CFAP47: variants seen among roughly 807,000 people sequenced by gnomAD.
CFAP47 encodes the protein cilia and flagella associated protein 47.
Under a neutral mutation model 148.1 loss-of-function variants are expected in CFAP47, and 29 were observed. That is an observed-to-expected ratio of 0.20 (90% CI 0.15 to 0.27). The LOEUF is 0.27. CFAP47 is among the 10% of genes least tolerant of loss of function. The pLI is 1.00. For missense variants in CFAP47, 1,872 were observed against 1,697.5 expected (o/e 1.10, Z -1.81); for synonymous variants, 664 against 577.3 (o/e 1.15, Z -2.15).
At chrX:36,289,476 G>A (rs981659890) in intron 51 of CFAP47, among the ~76,000 whole-genome samples, 2 of 110,143 alleles carry the variant, frequency 1.8e-5, no homozygotes, top group African/African-American at 3.3e-5. Context: ...TTTTTAATCC[G>A]GAAAAAATAT....
At chrX:35,961,170 C>T (rs1936325190) in intron 8 of CFAP47, among the ~76,000 whole-genome samples, 1 of 111,910 alleles carries the variant, frequency 8.9e-6, no homozygotes, top group African/African-American at 3.2e-5. Flanking sequence ...GGATATTAAA[C>T]TTGAAATCAT....
chrX:36,085,005 G>A (rs988163686), intron 29 of CFAP47, among the ~76,000 whole-genome samples: 1 of 111,226 alleles, frequency 9.0e-6, no homozygotes, highest in African/African-American at 3.3e-5. Flanking sequence ...TCAGCTAGTA[G>A]GTGATGGGTT....
At chrX:36,206,501 T>C (rs975776667) in intron 45 of CFAP47, among the ~76,000 whole-genome samples, 2 of 111,780 alleles carry the variant, frequency 1.8e-5, no homozygotes, top group African/African-American at 3.2e-5. Context: ...GTAGCTCTTA[T>C]AATACAATGA....
intron 33 of CFAP47, among the ~76,000 whole-genome samples, chrX:36,132,732 T>G (rs780529995): frequency 7.2e-5 from 8 of 111,799 alleles, no homozygotes; most frequent in African/African-American, 2.3e-4. Context: ...CATCATCGCC[T>G]TGGAAGAATC....
At chrX:36,260,181 T>C (rs6629062) in intron 49 of CFAP47, among the ~76,000 whole-genome samples, 15,405 of 110,423 alleles carry the variant, frequency 0.14, 830 homozygotes, top group East Asian at 0.26. Flanking sequence ...AATAGCCCTG[T>C]GATAAACAAT....
At chrX:36,364,901 CATATAT>C (rs60748143) in intron 61 of CFAP47, among the ~76,000 whole-genome samples, 4,329 of 67,124 alleles carry the variant, frequency 0.064, 139 homozygotes, top group Admixed American at 0.12. Flanking sequence ...ATATTTTGTG[CATATAT>C]ATATATATAT....
chrX:35,930,116 A>G (rs749618884), intron 2 of CFAP47, among the ~76,000 whole-genome samples: 3 of 111,985 alleles, frequency 2.7e-5, no homozygotes, highest in Non-Finnish European at 5.6e-5. Flanking sequence ...CAACTATTCT[A>G]AATTGCTAAG....
intron 3 of CFAP47, among the ~76,000 whole-genome samples, chrX:35,947,236 G>A: frequency 9.1e-6 from 1 of 110,219 alleles, no homozygotes; most frequent in East Asian, 2.9e-4. Flanking sequence ...TTGGTCATGT[G>A]GTTATGTGTA....
At chrX:36,220,301 G>C (rs1555990637) in intron 45 of CFAP47, among the ~76,000 whole-genome samples, 1 of 110,819 alleles carries the variant, frequency 9.0e-6, no homozygotes, top group African/African-American at 3.3e-5. Flanking sequence ...ATGCATATGC[G>C]TGTATTCCGA....
chrX:36,080,429 G>A (rs1937953516), intron 29 of CFAP47, among the ~76,000 whole-genome samples: 1 of 111,233 alleles, frequency 9.0e-6, no homozygotes, highest in Non-Finnish European at 1.9e-5. Flanking sequence ...CCCATTACTG[G>A]GTATATACCC....
intron 21 of CFAP47, among the ~76,000 whole-genome samples, chrX:36,005,221 A>AT (rs766670985): frequency 5.6e-4 from 61 of 108,464 alleles, no homozygotes; most frequent in African/African-American, 1.9e-3. Flanking sequence ...TTTATTATTC[A>AT]TTTTTTTCTG....
At chrX:36,115,985 T>C (rs1271475757) in intron 33 of CFAP47, among the ~76,000 whole-genome samples, 1 of 112,286 alleles carries the variant, frequency 8.9e-6, no homozygotes, top group Non-Finnish European at 1.9e-5. Flanking sequence ...TCCTATCAAG[T>C]TATTTGTTTT....
intron 49 of CFAP47, among the ~76,000 whole-genome samples, chrX:36,252,147 T>C (rs1940700061): frequency 9.0e-6 from 1 of 110,975 alleles, no homozygotes; most frequent in African/African-American, 3.3e-5. Flanking sequence ...GGTAAGTGGA[T>C]ACAACTTTAG....
intron 45 of CFAP47, chrX:36,211,717 T>G: frequency 4.9e-6 from 1 of 203,679 alleles, no homozygotes; most frequent in Non-Finnish European, 9.5e-6. Context: ...AGGAAGAAGA[T>G]GAAGATGATG....
chrX:36,133,587 G>A (rs760648417), intron 33 of CFAP47, among the ~76,000 whole-genome samples: 1 of 110,363 alleles, frequency 9.1e-6, no homozygotes, highest in South Asian at 3.8e-4. Context: ...CATTCATGAA[G>A]CCAGAGCTCT....
chrX:36,379,545 G>A, intron 63 of CFAP47, 27 bp downstream of exon 63: 1 of 1,081,950 alleles, frequency 9.2e-7, no homozygotes, highest in East Asian at 3.3e-5. Context: ...CAATAGCCAA[G>A]GATGTTTGAT....
At chrX:36,118,529 G>A (rs767216510) in intron 33 of CFAP47, among the ~76,000 whole-genome samples, 1 of 110,474 alleles carries the variant, frequency 9.1e-6, no homozygotes, top group African/African-American at 3.3e-5. Flanking sequence ...GAATGCCGTG[G>A]CGTGATCTTG....
rs1936241341 is a variant in CFAP47 at position 35,956,102 on chromosome X, A to C, written c.1316A>C (p.Gln439Pro). 8.3e-7 allele frequency: 1 copy of C among 1,209,809 alleles called. No individual in the cohort carries two copies. The highest frequency in any genetic ancestry group is 1.7e-5 in the African/African-American group (1 of 57,152). Reference protein sequence around the residue: ...RSEIQCIIKNQCELLPVTYHF... With the variant: ...RSEIQCIIKNPCELLPVTYHF... ...GAAATTCAGTGCATCATAAAAAATC[A>C]ATGCGAATTACTTCCTGTGACGTAC... is the stretch of plus-strand genomic sequence containing the variant. The change falls in exon 8 of 64, where the codon CAA becomes CCA. Residue 439 changes from glutamine (Q) to proline (P), a missense_variant. By Grantham distance (76) the Gln-to-Pro change is moderately conservative (BLOSUM62 -1). Transcript: ENST00000378653.
intron 60 of CFAP47, among the ~76,000 whole-genome samples, chrX:36,355,368 G>A (rs1004356363): frequency 9.0e-6 from 1 of 111,496 alleles, no homozygotes; most frequent in Non-Finnish European, 1.9e-5. Context: ...TCCCTCTTCT[G>A]GGCATTTATT....
Sources: gnomAD v4.1 joint callset for allele counts (sites outside exome capture counted in the v4.1 genomes callset) on GRCh38, gnomAD v4.1.1 for gene constraint, MANE v1.5 for transcripts, NCBI Gene and HGNC (gene_info 2026-07-23, HGNC 2026-07-21) for gene names.